The following SMCO2 variants were observed in gnomAD, a reference collection of about 807,000 sequenced individuals.
The protein encoded by SMCO2 is single-pass membrane and coiled-coil domain-containing protein 2.
A neutral mutation model predicts 29.5 loss-of-function variants in SMCO2; 25 were observed. That is an observed-to-expected ratio of 0.85 (90% CI 0.62 to 1.18). The LOEUF (loss-of-function observed/expected upper bound fraction) is 1.18. Among genes scored for constraint, SMCO2 ranks in the 50% most tolerant of loss-of-function variants. The pLI is 0.00. For synonymous variants in SMCO2, 117 were observed against 123.3 expected (o/e 0.95, Z 0.34); for missense variants, 348 against 344.5 (o/e 1.01, Z -0.08).
At chr12:27,499,068 A>G (rs1231495178) in intron 7 of SMCO2, among the ~76,000 whole-genome samples, 1 of 150,842 alleles carries the variant, frequency 6.6e-6, no homozygotes, top group Non-Finnish European at 1.5e-5. Flanking sequence ...TTACCACATG[A>G]TTCCACAAGT....
At chr12:27,471,088 A>AGAGG (rs1344251629) in intron 2 of SMCO2, among the ~76,000 whole-genome samples, 12 of 152,172 alleles carry the variant, frequency 7.9e-5, no homozygotes, top group Non-Finnish European at 1.5e-4. Context: ...TTTCTGGCAT[A>AGAGG]GAGGGAGTAC....
At chr12:27,483,468 C>T (rs770890384) in intron 4 of SMCO2, among the ~76,000 whole-genome samples, 3 of 151,584 alleles carry the variant, frequency 2.0e-5, no homozygotes, top group Non-Finnish European at 2.9e-5. Flanking sequence ...CCCAGGCTGG[C>T]GTGCAGTGGT....
the SMCO2 span, among the ~76,000 whole-genome samples, chr12:27,432,034 T>C: frequency 6.6e-6 from 1 of 152,182 alleles, no homozygotes; most frequent in African/African-American, 2.4e-5. Context: ...ATGATTAGTG[T>C]TGTTGGGTGT....
At chr12:27,501,432 A>AC in intron 7 of SMCO2, among the ~76,000 whole-genome samples, 4 of 145,930 alleles carry the variant, frequency 2.7e-5, no homozygotes, top group African/African-American at 1.1e-4. Context: ...AAAAAAAAAA[A>AC]AAAAACAAAC....
intron 4 of SMCO2, among the ~76,000 whole-genome samples, chr12:27,483,172 G>C (rs139786132): frequency 1.3e-5 from 2 of 152,212 alleles, no homozygotes. Context: ...AGGTCAGGTT[G>C]GTTGATAGTG....
At chr12:27,499,480 G>A (rs193032508) in intron 7 of SMCO2, among the ~76,000 whole-genome samples, 36 of 150,484 alleles carry the variant, frequency 2.4e-4, no homozygotes, top group Non-Finnish European at 4.1e-4. Flanking sequence ...TTCTTTTTGG[G>A]GTGACAAAAA....
At chr12:27,440,923 A>G in the SMCO2 span, among the ~76,000 whole-genome samples, 2 of 152,172 alleles carry the variant, frequency 1.3e-5, no homozygotes, top group Non-Finnish European at 1.5e-5. Flanking sequence ...TTACTTATCA[A>G]TACTAACACT....
chr12:27,429,848 C>T, the SMCO2 span, among the ~76,000 whole-genome samples: 1 of 152,096 alleles, frequency 6.6e-6, no homozygotes, highest in African/African-American at 2.4e-5. Context: ...AGCATTCTTT[C>T]CAGAGTTAAT....
At chr12:27,474,658 G>T in intron 3 of SMCO2, 128 bp from the exon 4 acceptor site, 1 of 1,072,248 alleles carries the variant, frequency 9.3e-7, no homozygotes, top group South Asian at 1.6e-5. Context: ...AGATGCATCA[G>T]AAAGCTCCAG....
chr12:27,430,606 G>A, the SMCO2 span, among the ~76,000 whole-genome samples: 1 of 152,028 alleles, frequency 6.6e-6, no homozygotes. Context: ...GTTTATTCTT[G>A]GAACCATCTG....
intron 7 of SMCO2, among the ~76,000 whole-genome samples, chr12:27,498,861 A>C (rs1156698947): frequency 1.3e-5 from 2 of 150,518 alleles, no homozygotes; most frequent in African/African-American, 5.0e-5. Flanking sequence ...AAAAAACGTA[A>C]ATCAAACCCA....
intron 4 of SMCO2, among the ~76,000 whole-genome samples, chr12:27,479,650 A>C (rs1949623322): frequency 6.6e-6 from 1 of 152,142 alleles, no homozygotes; most frequent in South Asian, 2.1e-4. Flanking sequence ...GTGGGAGGTA[A>C]CTGAATCATG....
At chr12:27,501,138 C>T (rs545076026) in intron 7 of SMCO2, among the ~76,000 whole-genome samples, 7 of 150,500 alleles carry the variant, frequency 4.7e-5, no homozygotes, top group East Asian at 1.9e-4. Flanking sequence ...TTCTATTGGC[C>T]GGGCGCGGTG....
At chr12:27,462,358 G>T (rs1313665827), upstream of SMCO2, among the ~76,000 whole-genome samples, 3 of 151,852 alleles carry the variant, frequency 2.0e-5, no homozygotes, top group Non-Finnish European at 1.5e-5. Flanking sequence ...TTCTTTCTTT[G>T]AACTCAATTT....
At chr12:27,466,334 C>A (rs1240296559), upstream of SMCO2, among the ~76,000 whole-genome samples, 3 of 152,142 alleles carry the variant, frequency 2.0e-5, no homozygotes, top group Non-Finnish European at 4.4e-5. Flanking sequence ...ATCACTTGAA[C>A]CCTGGAAGCG....
intron 4 of SMCO2, among the ~76,000 whole-genome samples, chr12:27,479,751 C>T (rs1372894293): frequency 6.6e-6 from 1 of 152,162 alleles, no homozygotes; most frequent in Non-Finnish European, 1.5e-5. Flanking sequence ...TACACAAGCC[C>T]TCTCTTGCCT....
At chr12:27,462,206 G>A (rs975392878), upstream of SMCO2, among the ~76,000 whole-genome samples, 5 of 152,050 alleles carry the variant, frequency 3.3e-5, no homozygotes, top group African/African-American at 4.8e-5. Flanking sequence ...TCGTTCATTC[G>A]ACGTGCTAAC....
At chr12:27,468,656 G>A (rs306641) in intron 1 of SMCO2, among the ~76,000 whole-genome samples, 15,391 of 152,236 alleles carry the variant, frequency 0.1, 1,247 homozygotes, top group African/African-American at 0.22. Context: ...ATCAACACAG[G>A]AAGTTCTATT....
intron 1 of SMCO2, among the ~76,000 whole-genome samples, chr12:27,469,419 C>T (rs747045048): frequency 6.6e-6 from 1 of 152,154 alleles, no homozygotes; most frequent in Non-Finnish European, 1.5e-5. Context: ...ACAGAATGAT[C>T]GACCAAGCCC....
Sources: gnomAD v4.1 joint callset for allele counts (sites outside exome capture counted in the v4.1 genomes callset) on GRCh38, gnomAD v4.1.1 for gene constraint, MANE v1.5 for transcripts, NCBI Gene and HGNC (gene_info 2026-07-23, HGNC 2026-07-21) for gene names.